CAPS2: variants seen among roughly 807,000 people sequenced by gnomAD.
CAPS2 encodes the protein calcyphosine 2.
In CAPS2, 98 loss-of-function variants were observed where a neutral mutation model predicts 86.5. That is an observed-to-expected ratio of 1.13 (90% CI 0.96 to 1.34). The LOEUF (loss-of-function observed/expected upper bound fraction) is 1.34, where lower values mean the gene tolerates loss of function less well. CAPS2 is among the 40% of genes most tolerant of loss of function. The pLI, the probability that CAPS2 is intolerant of heterozygous loss-of-function variation, is 0.00. For missense variants in CAPS2, 729 were observed against 686.8 expected (o/e 1.06, Z -0.69); for synonymous variants, 210 against 225.1 (o/e 0.93, Z 0.60).
chr12:75,301,414 C>A (rs1402626291), intron 8 of CAPS2, among the ~76,000 whole-genome samples: 2 of 152,168 alleles, frequency 1.3e-5, no homozygotes, highest in Non-Finnish European at 2.9e-5. Context: ...GTTTAATCTG[C>A]TGGGATTAAT....
rs939272193 is a variant in CAPS2 at position 75,278,142 on chromosome 12, C to T, written c.*748G>A. 43 of 936,796 alleles carry T rather than the reference C, an allele frequency of 4.6e-5. 1 individual carries two copies. Among genetic ancestry groups the T allele is most frequent in the South Asian group, 9.9e-5 (2 of 20,210 alleles). 58.0% of individuals were successfully genotyped at this position (936,796 alleles called of 1,614,324 possible). ...CCCTTTCATATTGCTCAATAACAAT[C>T]GTATGCTGGTAAAAAGGATTACAGT... On this transcript the variant is annotated 3_prime_UTR_variant, in exon 17 of 17. Transcript: ENST00000393284.
At chr12:75,330,778 T>C (rs1441392932), upstream of CAPS2, among the ~76,000 whole-genome samples, 2 of 151,842 alleles carry the variant, frequency 1.3e-5, no homozygotes. Context: ...ACCTGCATTT[T>C]ATTCTTTGCC....
At chr12:75,354,992 A>G (rs1245684581) in intron 1 of CAPS2, among the ~76,000 whole-genome samples, 1 of 152,228 alleles carries the variant, frequency 6.6e-6, no homozygotes, top group Non-Finnish European at 1.5e-5. Flanking sequence ...AGATGGATTA[A>G]AGGCTTAAAT....
chr12:75,320,886 A>C (rs1260414877), intron 5 of CAPS2, among the ~76,000 whole-genome samples: 1 of 151,962 alleles, frequency 6.6e-6, no homozygotes, highest in African/African-American at 2.4e-5. Flanking sequence ...TTAATAGTGA[A>C]TTTATACCTA....
chr12:75,374,407 C>T (rs1045554801), intron 1 of CAPS2, among the ~76,000 whole-genome samples: 2 of 152,188 alleles, frequency 1.3e-5, no homozygotes, highest in African/African-American at 4.8e-5. Context: ...TGGCCAAATG[C>T]AACAACTTAT....
Position 75,278,890 on chromosome 12 carries a change from CTA to C in CAPS2, c.1786_1787del (p.Ter596ValfsTer21). ...TTGATGACATATGTATTATTAAAGACTAAATCCCCCATGGAGTACGTAAGATG... is the reference window on the plus strand; with the variant it reads ...TTGATGACATATGTATTATTAAAGACAATCCCCCATGGAGTACGTAAGATG... On this transcript the variant is annotated frameshift_variant and stop_lost, in exon 17 of 17. Coordinates refer to ENST00000393284, the Ensembl canonical transcript of CAPS2. LOFTEE classifies it high-confidence loss of function. 1 of 1,553,452 alleles carries C rather than the reference CTA, an allele frequency of 6.4e-7. No individual in the cohort carries two copies. The highest frequency in any genetic ancestry group is 8.6e-7 in the Non-Finnish European group (1 of 1,156,926).
intron 1 of CAPS2, among the ~76,000 whole-genome samples, chr12:75,390,149 T>C (rs1002431548): frequency 7.9e-5 from 12 of 152,234 alleles, no homozygotes; most frequent in Non-Finnish European, 1.8e-4. Context: ...ATTCCAAAAC[T>C]AATACTTGCT....
At chr12:75,305,694 T>TA in intron 7 of CAPS2, 1 of 662,858 alleles carries the variant, frequency 1.5e-6, no homozygotes, top group Admixed American at 1.8e-5. Flanking sequence ...CCGGCACAGC[T>TA]GCTGCAGAAG....
At chr12:75,362,155 A>G (rs2043638216) in intron 1 of CAPS2, among the ~76,000 whole-genome samples, 1 of 152,200 alleles carries the variant, frequency 6.6e-6, no homozygotes, top group South Asian at 2.1e-4. Flanking sequence ...ACCCTGGAAT[A>G]TAGGAAGAAC....
At chr12:75,281,974 A>T (rs1298344686) in intron 16 of CAPS2, among the ~76,000 whole-genome samples, 1 of 152,090 alleles carries the variant, frequency 6.6e-6, no homozygotes, top group East Asian at 1.9e-4. Context: ...CTATTTTCTA[A>T]ACCTATTTCA....
chr12:75,366,979 G>A, intron 1 of CAPS2: 1 of 701,726 alleles, frequency 1.4e-6, no homozygotes, highest in Non-Finnish European at 2.6e-6. Context: ...GCAGCTTGCA[G>A]TAACAAAATG....
chr12:75,323,055 T>G (rs1268385611), exon 4 of CAPS2: 2 of 1,550,436 alleles, frequency 1.3e-6, no homozygotes, highest in East Asian at 4.9e-5. Context: ...TTGGCAGGTT[T>G]GCTGTACTAA....
intron 6 of CAPS2, among the ~76,000 whole-genome samples, chr12:75,313,750 TAAGA>T (rs1203508584): frequency 1.3e-5 from 2 of 152,182 alleles, no homozygotes; most frequent in African/African-American, 2.4e-5. Flanking sequence ...TAAATGAAAT[TAAGA>T]TAGAGGCTTT....
At chr12:75,342,108 AG>A (rs1361160338) in intron 1 of CAPS2, among the ~76,000 whole-genome samples, 4 of 152,198 alleles carry the variant, frequency 2.6e-5, no homozygotes, top group African/African-American at 4.8e-5. Flanking sequence ...GGTGATCGCC[AG>A]GGGTTAAAGA....
intron 1 of CAPS2, among the ~76,000 whole-genome samples, chr12:75,385,741 A>G (rs2045256660): frequency 1.3e-5 from 2 of 152,238 alleles, no homozygotes; most frequent in African/African-American, 4.8e-5. Context: ...CAATGATTTT[A>G]GCAAGGTTGC....
intron 1 of CAPS2, among the ~76,000 whole-genome samples, chr12:75,384,580 A>G (rs1234526198): frequency 2.0e-5 from 3 of 152,212 alleles, no homozygotes; most frequent in African/African-American, 7.2e-5. Flanking sequence ...AAATTTAAAG[A>G]AAAAAGTGAT....
At chr12:75,282,418 GCT>G in intron 15 of CAPS2, 71 bp from the exon 16 acceptor site, 1 of 958,550 alleles carries the variant, frequency 1.0e-6, no homozygotes, top group Non-Finnish European at 1.7e-6. Flanking sequence ...ACAGAGTCTC[GCT>G]CTGTCACCCA....
intron 1 of CAPS2, among the ~76,000 whole-genome samples, chr12:75,350,964 G>A (rs934773224): frequency 4.6e-5 from 7 of 152,130 alleles, no homozygotes; most frequent in African/African-American, 1.7e-4. Flanking sequence ...AATATTACAG[G>A]AGCTGTTAAC....
upstream of CAPS2, chr12:75,334,896 A>G (rs374460858): frequency 1.1e-5 from 18 of 1,613,628 alleles, no homozygotes; most frequent in African/African-American, 2.0e-4. Flanking sequence ...CCGACATGAA[A>G]TACATGGTGA....
Sources: gnomAD v4.1 joint callset for allele counts (sites outside exome capture counted in the v4.1 genomes callset) on GRCh38, gnomAD v4.1.1 for gene constraint, MANE v1.5 for transcripts, NCBI Gene and HGNC (gene_info 2026-07-23, HGNC 2026-07-21) for gene names.